The following ZFHX3 variants were observed in gnomAD, a reference collection of about 807,000 sequenced individuals.
The protein encoded by ZFHX3 is zinc finger homeobox protein 3.
In ZFHX3, 42 loss-of-function variants were observed where a neutral mutation model predicts 279.1. That is an observed-to-expected ratio of 0.15 (90% CI 0.12 to 0.19). The LOEUF is 0.19. Among genes scored for constraint, ZFHX3 ranks in the 10% least tolerant of loss-of-function variants. The probability of loss-of-function intolerance (pLI) is 1.00; values close to 1 mark genes in which losing one functional copy is unlikely to be tolerated. For synonymous variants in ZFHX3, 2,293 were observed against 1,957.8 expected, an observed-to-expected ratio of 1.17 and a Z score of -4.52; for missense variants, 4,981 against 4,754.0, an observed-to-expected ratio of 1.05 and a Z score of -1.40.
intron 2 of ZFHX3, among the ~76,000 whole-genome samples, chr16:73,460,911 T>A (rs2018460295): frequency 6.6e-6 from 1 of 152,140 alleles, no homozygotes; most frequent in Non-Finnish European, 1.5e-5. Flanking sequence ...TCCTGAGGCC[T>A]CTCCAGAAGC....
intron 5 of ZFHX3, among the ~76,000 whole-genome samples, chr16:73,239,662 T>C (rs1359678347): frequency 1.3e-5 from 2 of 152,112 alleles, no homozygotes; most frequent in African/African-American, 4.8e-5. Context: ...TGGAGTTGAA[T>C]AGTGAGAAAA....
At chr16:73,280,664 T>G (rs2014432639) in intron 4 of ZFHX3, among the ~76,000 whole-genome samples, 1 of 151,964 alleles carries the variant, frequency 6.6e-6, no homozygotes, top group African/African-American at 2.4e-5. Flanking sequence ...GACTGTAAAT[T>G]GGTACAGCCA....
exon 1 of ZFHX3, chr16:73,058,997 G>A: frequency 6.2e-6 from 1 of 160,242 alleles, no homozygotes; most frequent in Non-Finnish European, 1.4e-5. Flanking sequence ...CGGAGGGGAC[G>A]CGCTGGAAGT....
At chr16:73,594,525 G>A (rs2052029161) in intron 2 of ZFHX3, among the ~76,000 whole-genome samples, 1 of 152,126 alleles carries the variant, frequency 6.6e-6, no homozygotes, top group African/African-American at 2.4e-5. Context: ...TATCTTGCCA[G>A]AATTTTCATA....
At chr16:73,441,395 C>G (rs1268138531) in intron 3 of ZFHX3, among the ~76,000 whole-genome samples, 1 of 152,122 alleles carries the variant, frequency 6.6e-6, no homozygotes, top group African/African-American at 2.4e-5. Flanking sequence ...GTCATTTTTG[C>G]ATGTGTCTTT....
chr16:72,898,621 C>CA (rs1361972168), intron 3 of ZFHX3, among the ~76,000 whole-genome samples: 3 of 151,926 alleles, frequency 2.0e-5, no homozygotes, highest in Non-Finnish European at 2.9e-5. Flanking sequence ...TCCATGTAAA[C>CA]AGATTTCACT....
chr16:73,734,890 A>T (rs2053596566), intron 1 of ZFHX3, among the ~76,000 whole-genome samples: 1 of 152,180 alleles, frequency 6.6e-6, no homozygotes, highest in African/African-American at 2.4e-5. Flanking sequence ...AATATAAAAA[A>T]AGTTGCTCTT....
At chr16:73,298,259 T>G (rs1195840246) in intron 4 of ZFHX3, among the ~76,000 whole-genome samples, 3 of 149,764 alleles carry the variant, frequency 2.0e-5, no homozygotes, top group African/African-American at 7.6e-5. Flanking sequence ...CTCAGCTCAC[T>G]GCAACCTCCG....
chr16:73,719,313 C>T (rs1380575537), intron 1 of ZFHX3, among the ~76,000 whole-genome samples: 1 of 152,218 alleles, frequency 6.6e-6, no homozygotes, highest in Admixed American at 6.5e-5. Flanking sequence ...GCTGCTGTCT[C>T]TTCTCACGCT....
intron 2 of ZFHX3, among the ~76,000 whole-genome samples, chr16:73,668,115 CT>C (rs1468967120): frequency 1.3e-5 from 2 of 152,158 alleles, no homozygotes; most frequent in African/African-American, 4.8e-5. Flanking sequence ...CTGGACCACC[CT>C]CTAAGCCAGT....
intron 3 of ZFHX3, among the ~76,000 whole-genome samples, chr16:73,448,869 A>G (rs923414183): frequency 6.6e-6 from 1 of 152,130 alleles, no homozygotes; most frequent in African/African-American, 2.4e-5. Flanking sequence ...AAAATTCTGT[A>G]TTTATTCAGA....
At chr16:72,922,534 C>T (rs1385221922) in intron 3 of ZFHX3, among the ~76,000 whole-genome samples, 1 of 152,158 alleles carries the variant, frequency 6.6e-6, no homozygotes, top group African/African-American at 2.4e-5. Flanking sequence ...GCTTTAGCGT[C>T]ACAGAAAGAA....
chr16:72,989,569 T>C (rs578099361), intron 1 of ZFHX3, among the ~76,000 whole-genome samples: 1 of 151,944 alleles, frequency 6.6e-6, no homozygotes, highest in East Asian at 1.9e-4. Flanking sequence ...AAGTGGACAG[T>C]GCACATGGAT....
At chr16:73,499,302 C>T (rs2019194924) in intron 2 of ZFHX3, 2 of 152,174 alleles carry the variant, frequency 1.3e-5, no homozygotes, top group Admixed American at 1.3e-4. Context: ...GGCAACTTCC[C>T]ACAGGTTGCA....
At chr16:73,034,401 A>C (rs985282044) in intron 1 of ZFHX3, among the ~76,000 whole-genome samples, 3 of 152,206 alleles carry the variant, frequency 2.0e-5, no homozygotes, top group Non-Finnish European at 2.9e-5. Flanking sequence ...GGGGCACTAG[A>C]GCCTCTAAGA....
intron 1 of ZFHX3, among the ~76,000 whole-genome samples, chr16:73,701,864 T>C (rs1205682106): frequency 6.7e-6 from 1 of 148,228 alleles, no homozygotes; most frequent in African/African-American, 2.6e-5. Flanking sequence ...ATTCTGAAGT[T>C]TGAGTCATAA....
intron 3 of ZFHX3, among the ~76,000 whole-genome samples, chr16:73,319,073 G>C (rs73587721): frequency 1.3e-5 from 2 of 150,414 alleles, no homozygotes; most frequent in African/African-American, 2.5e-5. Flanking sequence ...TACCATGGAG[G>C]GGGTGAGGTG....
chr16:72,858,427 G>A (rs925925350), intron 4 of ZFHX3, among the ~76,000 whole-genome samples: 4 of 152,122 alleles, frequency 2.6e-5, no homozygotes, highest in Non-Finnish European at 5.9e-5. Flanking sequence ...ACAAAAAGAG[G>A]GGGGAAAATG....
At chr16:73,357,787 A>C in intron 3 of ZFHX3, among the ~76,000 whole-genome samples, 1 of 151,570 alleles carries the variant, frequency 6.6e-6, no homozygotes, top group Admixed American at 6.6e-5. Flanking sequence ...ACTCTGTCAG[A>C]CTCCTCACAT....
Sources: allele counts gnomAD v4.1 joint callset (sites outside exome capture counted in the v4.1 genomes callset), GRCh38; gene constraint gnomAD v4.1.1; transcripts MANE v1.5; gene names NCBI Gene and HGNC (gene_info 2026-07-23, HGNC 2026-07-21).